Variants in ASTN2 observed in about 807,000 individuals in gnomAD.
The protein encoded by ASTN2 is astrotactin-2.
In ASTN2, 54 loss-of-function variants were observed where a neutral mutation model predicts 139.8. The ratio of observed to expected loss-of-function variants is 0.39; its 90% CI spans 0.31 to 0.48. The LOEUF (loss-of-function observed/expected upper bound fraction) is 0.48, where lower values mean the gene tolerates loss of function less well. Among genes scored for constraint, ASTN2 ranks in the 20% least tolerant of loss-of-function variants. The pLI, the probability that ASTN2 is intolerant of heterozygous loss-of-function variation, is 0.95. For missense variants in ASTN2, 1,565 were observed against 1,725.1 expected (o/e 0.91, Z 1.64); for synonymous variants, 756 against 719.5 (o/e 1.05, Z -0.81).
intron 1 of ASTN2, among the ~76,000 whole-genome samples, chr9:117,373,488 C>CA (rs1830040919): frequency 6.6e-6 from 1 of 152,124 alleles, no homozygotes. Context: ...ACTTCAAGGT[C>CA]AAACTAAGGG....
At chr9:116,451,409 A>G (rs1354342038) in intron 20 of ASTN2, among the ~76,000 whole-genome samples, 1 of 152,106 alleles carries the variant, frequency 6.6e-6, no homozygotes, top group Non-Finnish European at 1.5e-5. Context: ...ATGAATGCCT[A>G]CTAGGTGCTG....
At chr9:116,832,676 G>A (rs1831850463) in intron 11 of ASTN2, among the ~76,000 whole-genome samples, 1 of 151,910 alleles carries the variant, frequency 6.6e-6, no homozygotes. Flanking sequence ...TTCAAATAGG[G>A]AACCATTCTT....
intron 19 of ASTN2, among the ~76,000 whole-genome samples, chr9:116,508,629 C>T (rs892123574): frequency 2.6e-5 from 4 of 152,058 alleles, no homozygotes; most frequent in African/African-American, 4.8e-5. Context: ...AGCACTTCAG[C>T]GCAGATGATT....
chr9:117,266,462 G>C (rs1035979438), intron 2 of ASTN2, among the ~76,000 whole-genome samples: 1 of 152,072 alleles, frequency 6.6e-6, no homozygotes, highest in African/African-American at 2.4e-5. Context: ...CCTTTTCCTA[G>C]TAGAGTTAAA....
intron 19 of ASTN2, chr9:116,613,754 C>T (rs1855681960): frequency 6.6e-6 from 1 of 152,198 alleles, no homozygotes; most frequent in East Asian, 1.9e-4. Context: ...TTATGACAAA[C>T]CCACAACCAA....
intron 11 of ASTN2, among the ~76,000 whole-genome samples, chr9:116,853,178 A>G (rs1362089032): frequency 6.6e-6 from 1 of 152,148 alleles, no homozygotes; most frequent in African/African-American, 2.4e-5. Context: ...AAAGTGGGTG[A>G]GTAGTTAAGA....
chr9:116,863,014 G>C (rs781442933), intron 11 of ASTN2, among the ~76,000 whole-genome samples: 31 of 152,118 alleles, frequency 2.0e-4, no homozygotes, highest in Non-Finnish European at 4.0e-4. Context: ...TCCCACGCTA[G>C]ATACTAAAAT....
chr9:116,532,161 CTTCTT>C (rs1489901708), intron 19 of ASTN2, among the ~76,000 whole-genome samples: 4 of 152,182 alleles, frequency 2.6e-5, no homozygotes, highest in African/African-American at 9.7e-5. Context: ...GCATAAATGT[CTTCTT>C]TTGAGAAGTG....
intron 11 of ASTN2, among the ~76,000 whole-genome samples, chr9:116,850,285 T>C (rs1476585067): frequency 6.6e-6 from 1 of 152,210 alleles, no homozygotes; most frequent in Non-Finnish European, 1.5e-5. Flanking sequence ...TATTGAGTGA[T>C]GGGTGAAGTG....
At chr9:117,411,991 A>ACCCCCCC (rs1831175505) in intron 1 of ASTN2, among the ~76,000 whole-genome samples, 1 of 17,994 alleles carries the variant, frequency 5.6e-5, no homozygotes, top group East Asian at 2.1e-3. Context: ...CCCTACCACC[A>ACCCCCCC]CCCCCACCTC....
At chr9:117,156,185 G>A (rs1467794819) in intron 3 of ASTN2, among the ~76,000 whole-genome samples, 1 of 152,040 alleles carries the variant, frequency 6.6e-6, no homozygotes, top group Non-Finnish European at 1.5e-5. Flanking sequence ...GCTCCACGAT[G>A]CATGCATTAT....
intron 11 of ASTN2, among the ~76,000 whole-genome samples, chr9:116,854,651 CTTTT>C (rs764856702): frequency 8.2e-6 from 1 of 121,888 alleles, no homozygotes; most frequent in Non-Finnish European, 1.7e-5. Flanking sequence ...TTCCTTCTCT[CTTTT>C]TTTTTTTTTT....
intron 2 of ASTN2, among the ~76,000 whole-genome samples, chr9:117,228,453 G>A (rs888791110): frequency 5.3e-5 from 8 of 152,016 alleles, no homozygotes; most frequent in East Asian, 1.9e-4. Context: ...TTGTCTTGAC[G>A]GCATGTTGTG....
At chr9:117,204,925 G>A (rs1344911074) in intron 3 of ASTN2, among the ~76,000 whole-genome samples, 5 of 129,972 alleles carry the variant, frequency 3.8e-5, no homozygotes, top group African/African-American at 5.6e-5. Context: ...TTGGCCTGCT[G>A]GTATTACTGC....
At chr9:116,753,542 A>G (rs759365770) in intron 13 of ASTN2, among the ~76,000 whole-genome samples, 2 of 152,222 alleles carry the variant, frequency 1.3e-5, no homozygotes, top group African/African-American at 2.4e-5. Context: ...TGGCTCATCA[A>G]TGGAATACAT....
chr9:116,824,407 T>A (rs1247996763), intron 11 of ASTN2, among the ~76,000 whole-genome samples: 1 of 152,074 alleles, frequency 6.6e-6, no homozygotes, highest in Non-Finnish European at 1.5e-5. Context: ...CATCACTTGC[T>A]CTAGTGAAAG....
intron 17 of ASTN2, among the ~76,000 whole-genome samples, chr9:116,625,895 C>T (rs1012744981): frequency 6.6e-6 from 1 of 152,136 alleles, no homozygotes; most frequent in African/African-American, 2.4e-5. Context: ...TCAATTTTTA[C>T]AAATTTCACA....
intron 17 of ASTN2, among the ~76,000 whole-genome samples, chr9:116,649,641 G>A (rs1299671543): frequency 6.7e-6 from 1 of 149,934 alleles, no homozygotes; most frequent in Admixed American, 6.7e-5. Context: ...ATTTCATATT[G>A]ACAGGTATCA....
intron 13 of ASTN2, among the ~76,000 whole-genome samples, chr9:116,785,030 C>T (rs1414319431): frequency 6.6e-6 from 1 of 151,998 alleles, no homozygotes; most frequent in East Asian, 1.9e-4. Context: ...CCATCCTTTA[C>T]CAGCCAAATG....
Sources: gnomAD v4.1 joint callset for allele counts (sites outside exome capture counted in the v4.1 genomes callset) on GRCh38, gnomAD v4.1.1 for gene constraint, MANE v1.5 for transcripts, NCBI Gene and HGNC (gene_info 2026-07-23, HGNC 2026-07-21) for gene names.